The following DAB1 variants were observed in gnomAD, a reference collection of about 807,000 sequenced individuals.
The protein encoded by DAB1 is DAB adaptor protein 1.
DAB1 carries 15 observed loss-of-function variants against 64.6 expected under a neutral mutation model. That is an observed-to-expected ratio of 0.23 (90% CI 0.16 to 0.36). The LOEUF (loss-of-function observed/expected upper bound fraction) is 0.36. DAB1 is among the 10% of genes least tolerant of loss of function. The pLI is 1.00. For missense variants in DAB1, 596 were observed against 706.7 expected (o/e 0.84, Z 1.78); for synonymous variants, 235 against 251.9 (o/e 0.93, Z 0.64).
intron 2 of DAB1, among the ~76,000 whole-genome samples, chr1:57,233,622 G>A (rs567692006): frequency 1.3e-4 from 20 of 151,508 alleles, no homozygotes; most frequent in Non-Finnish European, 2.7e-4. Flanking sequence ...AGCTAGGCGT[G>A]GTGGCGGGCA....
intron 6 of DAB1, among the ~76,000 whole-genome samples, chr1:57,806,332 G>C (rs1190578715): frequency 6.6e-6 from 1 of 152,166 alleles, no homozygotes; most frequent in East Asian, 1.9e-4. Flanking sequence ...AGGTAATCAA[G>C]TTAAAATGAG....
intron 4 of DAB1, among the ~76,000 whole-genome samples, chr1:58,232,966 A>C (rs1659850864): frequency 6.6e-6 from 1 of 152,174 alleles, no homozygotes; most frequent in African/African-American, 2.4e-5. Context: ...TGTTAGTGCC[A>C]CCTGAACACA....
intron 1 of DAB1, among the ~76,000 whole-genome samples, chr1:57,361,298 GAGATGA>G (rs1679531655): frequency 6.6e-6 from 1 of 152,256 alleles, no homozygotes; most frequent in African/African-American, 2.4e-5. Flanking sequence ...AGAGCAGAAA[GAGATGA>G]AGCTGAAAAT....
intron 5 of DAB1, among the ~76,000 whole-genome samples, chr1:57,972,324 A>G (rs973372849): frequency 6.6e-6 from 1 of 152,162 alleles, no homozygotes; most frequent in African/African-American, 2.4e-5. Context: ...GCAGCGTTGA[A>G]TTCCTTGGCT....
intron 6 of DAB1, among the ~76,000 whole-genome samples, chr1:57,705,873 G>C (rs902244382): frequency 2.4e-5 from 2 of 82,930 alleles, no homozygotes; most frequent in African/African-American, 1.2e-4. Flanking sequence ...ACAATACTAG[G>C]GTTTTTTTTT....
chr1:58,094,625 T>C (rs1312788921), intron 5 of DAB1, among the ~76,000 whole-genome samples: 2 of 152,222 alleles, frequency 1.3e-5, no homozygotes, highest in Non-Finnish European at 2.9e-5. Flanking sequence ...CTGAATAAGG[T>C]ACTGTATATA....
At chr1:58,035,995 A>T (rs779539848) in intron 5 of DAB1, among the ~76,000 whole-genome samples, 1 of 152,172 alleles carries the variant, frequency 6.6e-6, no homozygotes, top group Non-Finnish European at 1.5e-5. Flanking sequence ...TAGGAGCTTG[A>T]TTTAATTGGT....
intron 1 of DAB1, among the ~76,000 whole-genome samples, chr1:57,374,336 C>T (rs1281795256): frequency 6.6e-6 from 1 of 151,952 alleles, no homozygotes; most frequent in African/African-American, 2.4e-5. Context: ...AATTTCAATG[C>T]CTTATTTACT....
At chr1:57,720,043 G>A (rs919778437) in intron 6 of DAB1, among the ~76,000 whole-genome samples, 16 of 152,182 alleles carry the variant, frequency 1.1e-4, no homozygotes, top group African/African-American at 3.4e-4. Flanking sequence ...CTGAGTTTCC[G>A]TCTGGAACCT....
intron 1 of DAB1, among the ~76,000 whole-genome samples, chr1:57,851,119 C>T (rs1191385966): frequency 6.6e-6 from 1 of 152,210 alleles, no homozygotes; most frequent in African/African-American, 2.4e-5. Flanking sequence ...CCCTCAGCCT[C>T]AGCTGAATGC....
Position 57,676,944 on chromosome 1 carries a change from C to A in DAB1, n.552-27279G>T, listed in dbSNP as rs146676688. 2.5e-3 allele frequency among the ~76,000 whole-genome samples: 380 copies of A among 152,306 alleles called. 1 individual carries two copies. Among genetic ancestry groups the A allele is most frequent in the Non-Finnish European group, 4.1e-3 (281 of 68,028 alleles). ...AGGAGGCTATGGATTAAACTGCGTTCTCCTCCCAAATTCATGTATTGAAGC... is the reference window on the plus strand; with the variant it reads ...AGGAGGCTATGGATTAAACTGCGTTATCCTCCCAAATTCATGTATTGAAGC... On this transcript the variant is annotated intron_variant and non_coding_transcript_variant, in intron 6 of 20. Coordinates refer to the DAB1 transcript ENST00000485760.
intron 1 of DAB1, among the ~76,000 whole-genome samples, chr1:57,329,377 T>C (rs1213373328): frequency 6.6e-6 from 1 of 152,216 alleles, no homozygotes; most frequent in Non-Finnish European, 1.5e-5. Flanking sequence ...TTTCTCTTAG[T>C]TACAAAGTCA....
At chr1:57,450,927 G>A (rs17460074) in intron 7 of DAB1, among the ~76,000 whole-genome samples, 5,814 of 152,154 alleles carry the variant, frequency 0.038, 268 homozygotes, top group Admixed American at 0.13. Context: ...TTATCTAATC[G>A]TCTCACAGTT....
Position 57,186,341 on chromosome 1 carries a change from G to A in DAB1, c.68-40912C>T, listed in dbSNP as rs575582293. ...CCAGCTCTCCACCACTTTGACACAA[G>A]CACCATCCCCAATCGATCAGTGTGA... On this transcript the variant is annotated intron_variant, in intron 2 of 14. Transcript: ENST00000371236. 1.1e-4 allele frequency among the ~76,000 whole-genome samples: 17 copies of A among 152,254 alleles called. No individual in the cohort carries two copies. The South Asian group carries it at 3.5e-3, about 32-fold the overall frequency.
At chr1:58,038,558 C>A (rs1386250026) in intron 5 of DAB1, among the ~76,000 whole-genome samples, 1 of 144,418 alleles carries the variant, frequency 6.9e-6, no homozygotes, top group Non-Finnish European at 1.5e-5. Context: ...GGCTTCCTCT[C>A]ACCTGGGTTT....
At chr1:58,453,049 G>A (rs796760932) in intron 3 of DAB1, among the ~76,000 whole-genome samples, 8 of 152,288 alleles carry the variant, frequency 5.3e-5, no homozygotes, top group African/African-American at 1.7e-4. Flanking sequence ...TCCATACGAT[G>A]GGATACTACT....
intron 1 of DAB1, among the ~76,000 whole-genome samples, chr1:57,346,690 A>C (rs1429256338): frequency 6.6e-6 from 1 of 152,226 alleles, no homozygotes; most frequent in African/African-American, 2.4e-5. Context: ...AGAGTATAGA[A>C]GCTCCTCTGA....
chr1:58,092,542 A>G (rs1055324534), intron 5 of DAB1, among the ~76,000 whole-genome samples: 2 of 152,080 alleles, frequency 1.3e-5, no homozygotes, highest in African/African-American at 4.8e-5. Context: ...CACCTTCCCT[A>G]AAGTTCAACC....
At chr1:57,820,245 C>G (rs1183245592) in intron 6 of DAB1, among the ~76,000 whole-genome samples, 1 of 152,126 alleles carries the variant, frequency 6.6e-6, no homozygotes, top group Admixed American at 6.5e-5. Context: ...CAGGAGCTTC[C>G]CAAAGTTACG....
Sources: allele counts gnomAD v4.1 joint callset (sites outside exome capture counted in the v4.1 genomes callset), GRCh38; gene constraint gnomAD v4.1.1; transcripts MANE v1.5; gene names NCBI Gene and HGNC (gene_info 2026-07-23, HGNC 2026-07-21).